Variants in MDN1 observed in about 807,000 individuals in gnomAD.
The protein encoded by MDN1 is midasin AAA ATPase 1.
A neutral mutation model predicts 669.2 loss-of-function variants in MDN1; 266 were observed. The ratio of observed to expected loss-of-function variants is 0.40; its 90% CI spans 0.36 to 0.44. MDN1 has a LOEUF of 0.44. MDN1 is among the 20% of genes least tolerant of loss of function. The probability of loss-of-function intolerance (pLI) is 1.00; values close to 1 mark genes in which losing one functional copy is unlikely to be tolerated. For synonymous variants in MDN1, 2,385 were observed against 2,457.1 expected (o/e 0.97, Z 0.87); for missense variants, 5,940 against 6,754.0 (o/e 0.88, Z 4.22).
chr6:89,749,648 A>C lies in MDN1; in HGVS notation c.3510T>G (p.Asp1170Glu), dbSNP rs760440829. The change falls in exon 25 of 102, where the codon GAT becomes GAG. Residue 1170 changes from aspartate (D) to glutamate (E), a missense_variant. Around this residue, in one of 5 missense-constraint regions of MDN1, gnomAD observed 2,292 missense variants for 2,638.3 expected, o/e 0.87. Transcript: ENST00000369393. The part of the protein sequence containing the change: ...VLEALNRLLD[D>E]NRELLVTETQ... The stretch of plus-strand genomic sequence containing the variant: ...TTTCTGTTACTAGCAATTCACGGTT[A>C]TCATCCAACAGCCTATTCAGCGCCT... 1.2e-6 allele frequency: 2 copies of C among 1,614,200 alleles called. No homozygotes were observed. The highest frequency in any genetic ancestry group is 1.7e-6 in the Non-Finnish European group (2 of 1,180,022).
rs905703685 is a variant in MDN1 at position 89,800,184 on chromosome 6, T to C, written c.329+3144A>G. 2.6e-5 allele frequency among the ~76,000 whole-genome samples: 4 copies of C among 151,946 alleles called. No homozygotes were observed. The South Asian group carries it at 8.3e-4, about 32-fold the overall frequency. On this transcript the variant is annotated intron_variant, in intron 2 of 101. Coordinates refer to ENST00000369393, the MANE Select transcript of MDN1 (RefSeq NM_014611.3). ...GGCTCACACCTGTAATCCCAGGACT[T>C]TGGGAGGCCTAGGAGGGCAGATCAC...
Position 89,730,897 on chromosome 6 carries a change from C to G in MDN1, c.4969G>C (p.Ala1657Pro). The G allele has an allele frequency of 8.1e-6, 13 of 1,613,980 alleles. No homozygotes were observed. Among genetic ancestry groups the G allele is most frequent in the Non-Finnish European group, 1.1e-5 (13 of 1,179,938 alleles). ...AGACATTCTTTTCGTGCCAAAAGGG[C>G]TGTACCAAACCCAGAGGAAGTTACC... ...SGVTSSGFGT[A>P]LLARKECLKF... The change falls in exon 35 of 102, where the codon GCC becomes CCC. Residue 1657 changes from alanine to proline, a missense_variant. Physicochemically the swap from Ala to Pro is conservative, Grantham distance 27. Transcript: ENST00000369393.
intron 73 of MDN1, among the ~76,000 whole-genome samples, chr6:89,682,504 C>T (rs926087815): frequency 5.9e-5 from 9 of 151,942 alleles, no homozygotes; most frequent in East Asian, 3.9e-4. Context: ...GTCAGGAGAT[C>T]GAGACCATCC....
chr6:89,732,684 G>A lies in MDN1; in HGVS notation c.4815C>T (p.Ile1605=), dbSNP rs751236316. ...GRKCVVSIRD[I]LSWVNFMNKM... ...TGTTCATGAAGTTAACCCAGGACAG[G>A]ATATCTCTGATACTGACCACACACT... Residue 1605 remains isoleucine (I), a synonymous_variant, in exon 34 of 102, where the codon ATC becomes ATT. Coordinates refer to ENST00000369393, the MANE Select transcript of MDN1 (RefSeq NM_014611.3). 1.9e-6 allele frequency: 3 copies of A among 1,613,882 alleles called. No individual in the cohort carries two copies. In the Admixed American group the frequency reaches 5.0e-5, roughly 27 times the overall value.
intron 92 of MDN1, among the ~76,000 whole-genome samples, chr6:89,655,440 T>C (rs1301088020): frequency 6.6e-6 from 1 of 152,214 alleles, no homozygotes; most frequent in Non-Finnish European, 1.5e-5. Flanking sequence ...TTTTTAACTA[T>C]TATATTTAAG....
intron 87 of MDN1, 47 bp from the exon 88 acceptor site, chr6:89,661,625 T>A: frequency 4.6e-6 from 7 of 1,532,910 alleles, no homozygotes; most frequent in Non-Finnish European, 6.1e-6. Flanking sequence ...ATACAAATAT[T>A]TTTTTAAAAA....
At chr6:89,700,392 G>T in intron 56 of MDN1, 98 bp from the exon 57 acceptor site, 1 of 966,448 alleles carries the variant, frequency 1.0e-6, no homozygotes, top group Non-Finnish European at 1.6e-6. Context: ...CTTAACTTGA[G>T]CTAATCAGAG....
chr6:89,793,714 G>C, intron 5 of MDN1, 48 bp downstream of exon 5: 1 of 1,500,984 alleles, frequency 6.7e-7, no homozygotes. Context: ...AGCACACTCA[G>C]TGTTTAGTAG....
In MDN1 at chr6:89,655,988, T is replaced by C. The variant is rs1809258200; in HGVS notation, c.15286-20A>G. ...AAAACTCTGAGAAATACAAGGAAAT[T>C]CATCAGAGCCTTGCCTGTCATGACA... is the stretch of plus-strand genomic sequence containing the variant. On this transcript the variant is annotated intron_variant, in intron 91 of 101. Coordinates refer to ENST00000369393, the MANE Select transcript of MDN1 (RefSeq NM_014611.3). 6.2e-7 allele frequency: 1 copy of C among 1,606,414 alleles called. No individual in the cohort carries two copies. Among genetic ancestry groups the C allele is most frequent in the Non-Finnish European group, 8.5e-7 (1 of 1,175,230 alleles).
chr6:89,694,074 C>T lies in MDN1; in HGVS notation c.9881G>A (p.Arg3294Lys). Residue 3294 changes from arginine to lysine, a missense_variant and splice_region_variant, in exon 62 of 102, where the codon AGG (arginine) becomes AAG (lysine). Around this residue, in one of 5 missense-constraint regions of MDN1, gnomAD observed 150 missense variants for 234.2 expected, o/e 0.64. Coordinates refer to ENST00000369393, the MANE Select transcript of MDN1 (RefSeq NM_014611.3). ...ACAAATAATCACTCTGCTGTGTTAC[C>T]TGACGTGAGGATGAGAGTAGCTGAC... is the stretch of plus-strand genomic sequence containing the variant. ...VVVSYSHPHV[R>K]LLRQRMDRLD... The T allele has an allele frequency of 1.9e-6, 3 of 1,612,298 alleles. No individual in the cohort carries two copies. In the Admixed American group the frequency reaches 5.0e-5, roughly 27 times the overall value.
chr6:89,729,059 T>C lies in MDN1; in HGVS notation c.5221A>G (p.Arg1741Gly), dbSNP rs1815410096. ...ATGGGCTTCTTCAGTTTGGTAGCTC[T>C]TAAGAGCCTCTGTGCATTCATAGCA... ...TTAMNAQRLLRATKLKKPILL... is the reference protein window; with the variant it reads ...TTAMNAQRLLGATKLKKPILL... The change falls in exon 36 of 102, where the codon AGA becomes GGA. Residue 1741 changes from arginine (R) to glycine (G), a missense_variant. By Grantham distance (125) the Arg-to-Gly change is moderately radical (BLOSUM62 -2). Around this residue, in one of 5 missense-constraint regions of MDN1, gnomAD observed 2,292 missense variants for 2,638.3 expected, o/e 0.87. Transcript: ENST00000369393. 1 of 1,613,978 alleles carries C rather than the reference T, an allele frequency of 6.2e-7. No individual in the cohort carries two copies. The highest frequency in any genetic ancestry group is 2.2e-5 in the East Asian group (1 of 44,868).
At chr6:89,657,161 A>C (rs1056275141) in intron 90 of MDN1, among the ~76,000 whole-genome samples, 2 of 152,200 alleles carry the variant, frequency 1.3e-5, no homozygotes, top group African/African-American at 2.4e-5. Flanking sequence ...ACTGAGGCTT[A>C]TTTTTCTCAA....
intron 31 of MDN1, 104 bp from the exon 32 acceptor site, chr6:89,740,482 T>C (rs1457416358): frequency 5.2e-6 from 6 of 1,157,654 alleles, no homozygotes; most frequent in Admixed American, 3.4e-5. Flanking sequence ...TTCTTTCTAC[T>C]GAATTTTTAC....
chr6:89,729,993 A>G (rs978850772), intron 35 of MDN1, among the ~76,000 whole-genome samples: 7 of 152,308 alleles, frequency 4.6e-5, no homozygotes, highest in Admixed American at 3.3e-4. Context: ...CTGCAACTCC[A>G]TATACTTCAG....
At chr6:89,677,902 A>G (rs1811323643) in intron 75 of MDN1, among the ~76,000 whole-genome samples, 1 of 152,228 alleles carries the variant, frequency 6.6e-6, no homozygotes, top group African/African-American at 2.4e-5. Context: ...ATTCACATGC[A>G]CGTTCAAGTT....
At position 89,700,331 on chromosome 6, in the gene MDN1, G is replaced by A. The variant is rs748464983; in HGVS notation, c.8639-37C>T. 2.6e-6 allele frequency: 4 copies of A among 1,510,502 alleles called. No homozygotes were observed. The South Asian group carries it at 3.4e-5, about 13-fold the overall frequency. The allele number at this position is 1,510,502 out of a possible 1,614,324, so 93.6% of individuals were successfully genotyped here. ...GACAAATGTTGTATGAGAGCACAATGGTTAAGAGTATAGCCTCTAGATTCT... is the reference window on the plus strand; with the variant it reads ...GACAAATGTTGTATGAGAGCACAATAGTTAAGAGTATAGCCTCTAGATTCT... On this transcript the variant is annotated intron_variant, in intron 56 of 101. Coordinates refer to ENST00000369393, the MANE Select transcript of MDN1 (RefSeq NM_014611.3).
chr6:89,778,923 T>TAAAG (rs774791769), intron 11 of MDN1, among the ~76,000 whole-genome samples: 1 of 144,392 alleles, frequency 6.9e-6, no homozygotes, highest in South Asian at 2.2e-4. Flanking sequence ...AATAAATAAA[T>TAAAG]AAATAAATAA....
chr6:89,649,250 T>C (rs927335529), intron 97 of MDN1, among the ~76,000 whole-genome samples: 6 of 152,250 alleles, frequency 3.9e-5, no homozygotes, highest in Non-Finnish European at 5.9e-5. Flanking sequence ...TTCATAACAA[T>C]TCTGCAAGTA....
At position 89,692,595 on chromosome 6, in the gene MDN1, A is replaced by G. The variant is rs1004068433; in HGVS notation, c.10435T>C (p.Ser3479Pro). 6.8e-6 allele frequency: 11 copies of G among 1,614,102 alleles called. No homozygotes were observed. In the Admixed American group the frequency reaches 1.7e-4, roughly 24 times the overall value. The change falls in exon 63 of 102, where the codon TCA becomes CCA. Residue 3479 changes from serine (S) to proline (P), a missense_variant. By Grantham distance (74) the Ser-to-Pro change is moderately conservative. Transcript: ENST00000369393. Reference protein sequence around the residue: ...RGLGKLILKRSGGKELEGKGQ... With the variant: ...RGLGKLILKRPGGKELEGKGQ... ...TTGCCTTCCAGCTCCTTTCCTCCTG[A>G]GCGCTTGAGGATTAGCTTCCCAAGG...
Sources: allele counts gnomAD v4.1 joint callset (sites outside exome capture counted in the v4.1 genomes callset), GRCh38; gene constraint gnomAD v4.1.1; regional missense constraint gnomAD v4.1.1; transcripts MANE v1.5; gene names NCBI Gene and HGNC (gene_info 2026-07-23, HGNC 2026-07-21).